Variants in SI observed in about 807,000 individuals in gnomAD.
SI encodes the protein sucrase-isomaltase, intestinal.
SI carries 235 observed loss-of-function variants against 253.3 expected under a neutral mutation model. That is an observed-to-expected ratio of 0.93 (90% CI 0.83 to 1.03). SI has a LOEUF of 1.03. Ranked by LOEUF, SI falls within the 50% of genes least tolerant of loss-of-function variation. The probability of loss-of-function intolerance (pLI) is 0.00; values close to 1 mark genes in which losing one functional copy is unlikely to be tolerated. For missense variants in SI, 2,442 were observed against 2,211.1 expected (o/e 1.10, Z -2.09); for synonymous variants, 819 against 712.0 (o/e 1.15, Z -2.39).
chr3:164,986,076 C>G (rs535279844), intron 45 of SI, among the ~76,000 whole-genome samples: 1 of 152,182 alleles, frequency 6.6e-6, no homozygotes, highest in Non-Finnish European at 1.5e-5. Flanking sequence ...TATAAAAACA[C>G]AGAAATCAAA....
chr3:165,062,420 T>TA lies in SI; in HGVS notation c.970dup (p.Tyr324LeufsTer40). The stretch of plus-strand genomic sequence containing the variant: ...TTCTGGTGTATCTCCTAGAAGGATG[T>TA]AAAAATCCAGAATGCCACCGGTAAC... On this transcript the variant is annotated frameshift_variant, in exon 9 of 48. Coordinates refer to ENST00000264382, the MANE Select transcript of SI (RefSeq NM_001041.4). LOFTEE classifies it high-confidence loss of function. 6.2e-7 allele frequency: 1 copy of TA among 1,605,606 alleles called. No homozygotes were observed. Among genetic ancestry groups the TA allele is most frequent in the Non-Finnish European group, 8.5e-7 (1 of 1,172,806 alleles).
chr3:165,050,813 C>A lies in SI; in HGVS notation c.1513-938G>T, dbSNP rs990058769. Reference sequence around the variant, plus strand: ...AATTACATTTCCTTTTCCCCATCCACATCATGCCCATATTTTAAGACTCAC... The same window carrying A: ...AATTACATTTCCTTTTCCCCATCCAAATCATGCCCATATTTTAAGACTCAC... On this transcript the variant is annotated intron_variant, in intron 13 of 47. Transcript: ENST00000264382. Among the ~76,000 whole-genome samples the A allele has an allele frequency of 4.6e-5, 7 of 152,118 alleles. No homozygotes were observed. In the East Asian group the frequency reaches 1.4e-3, roughly 30 times the overall value.
At position 165,009,330 on chromosome 3, in the gene SI, T is replaced by C. The variant is rs758461026; in HGVS notation, c.4128A>G (p.Arg1376=). 6.2e-7 allele frequency: 1 copy of C among 1,613,702 alleles called. No homozygotes were observed. Among genetic ancestry groups the C allele is most frequent in the Non-Finnish European group, 8.5e-7 (1 of 1,179,714 alleles). Residue 1376 remains arginine (R), a synonymous_variant, in exon 35 of 48, where the codon AGA becomes AGG. Transcript: ENST00000264382. The part of the protein sequence containing the change: ...FRTSTAEWWA[R]EIVDFYNEKM... ...TTTCATTGTAAAAGTCCACAATTTCTCTGGCCCACCACTCTGCTGTGGAAG... is the reference window on the plus strand; with the variant it reads ...TTTCATTGTAAAAGTCCACAATTTCCCTGGCCCACCACTCTGCTGTGGAAG...
At chr3:165,062,504 A>G in intron 8 of SI, 21 bp from the exon 9 acceptor site, 1 of 1,209,060 alleles carries the variant, frequency 8.3e-7, no homozygotes, top group Non-Finnish European at 1.2e-6. Context: ...AAATTGGTAA[A>G]CTTATATGTA....
chr3:165,065,305 A>G lies in SI; in HGVS notation c.763T>C (p.Trp255Arg). 1.9e-6 allele frequency: 3 copies of G among 1,608,574 alleles called. No homozygotes were observed. The highest frequency in any genetic ancestry group is 1.3e-5 in the African/African-American group (1 of 74,750). ...VHKRFRHDLSWKTWPIFTRDQ... is the reference protein window; with the variant it reads ...VHKRFRHDLSRKTWPIFTRDQ... ...CGAGTAAAAATTGGCCATGTTTTCC[A>G]GGATAAATCATGACGAAATCTCTTA... is the stretch of plus-strand genomic sequence containing the variant. Residue 255 changes from tryptophan (W) to arginine (R), a missense_variant, in exon 7 of 48, where the codon TGG becomes CGG. Coordinates refer to ENST00000264382, the MANE Select transcript of SI (RefSeq NM_001041.4).
At chr3:165,063,931 G>T (rs1452428322) in intron 7 of SI, among the ~76,000 whole-genome samples, 2 of 151,074 alleles carry the variant, frequency 1.3e-5, no homozygotes, top group Admixed American at 6.6e-5. Flanking sequence ...TTAGCTGGGG[G>T]TGGTGACACG....
intron 37 of SI, among the ~76,000 whole-genome samples, chr3:165,003,287 AT>A: frequency 6.6e-6 from 1 of 151,796 alleles, no homozygotes; most frequent in Non-Finnish European, 1.5e-5. Context: ...AAAGCACATA[AT>A]TTTTGTCAAT....
rs570814555 is a variant in SI, at chr3:164,998,385, C to T, written c.4540+155G>A. Among the ~76,000 whole-genome samples, 5 of 151,912 alleles carry T rather than the reference C, an allele frequency of 3.3e-5. No homozygotes were observed. The East Asian group carries it at 9.7e-4, about 29-fold the overall frequency. On this transcript the variant is annotated intron_variant, in intron 38 of 47. Coordinates refer to ENST00000264382, the MANE Select transcript of SI (RefSeq NM_001041.4). ...CTACACAGCACCCTCAATCCAGCTT[C>T]CTGGCCCACTGTCTTTTTCTGATGC... is the stretch of plus-strand genomic sequence containing the variant.
intron 34 of SI, among the ~76,000 whole-genome samples, chr3:165,010,785 A>T (rs1718731256): frequency 1.3e-5 from 2 of 152,222 alleles, no homozygotes; most frequent in Admixed American, 1.3e-4. Context: ...TTTGTGGAAG[A>T]GAATCCCAGG....
chr3:165,007,933 T>A lies in SI; in HGVS notation c.4245A>T (p.Leu1415=), dbSNP rs1461952844. The part of the protein sequence containing the change: ...TTTNQCRNDE[L]NYPPYFPELT... ...TACCTGGGAAATAAGGTGGATAATTTAGTTCGTCATTTCTGCATTGATTAG... is the reference window on the plus strand; with the variant it reads ...TACCTGGGAAATAAGGTGGATAATTAAGTTCGTCATTTCTGCATTGATTAG... Residue 1415 remains leucine (L), a synonymous_variant, in exon 36 of 48, where the codon CTA becomes CTT. Coordinates refer to ENST00000264382, the MANE Select transcript of SI (RefSeq NM_001041.4). 6.3e-7 allele frequency: 1 copy of A among 1,593,298 alleles called. No individual in the cohort carries two copies. Among genetic ancestry groups the A allele is most frequent in the Admixed American group, 1.7e-5 (1 of 59,790 alleles).
chr3:165,019,509 C>T, intron 28 of SI, 93 bp downstream of exon 28: 3 of 1,191,824 alleles, frequency 2.5e-6, no homozygotes, highest in South Asian at 1.2e-5. Context: ...TTTGTCATTA[C>T]TTCAATCCTA....
chr3:165,023,528 A>T (rs1711739284), intron 26 of SI, 42 bp downstream of exon 26: 1 of 1,304,542 alleles, frequency 7.7e-7, no homozygotes, highest in Non-Finnish European at 1.1e-6. Flanking sequence ...ATCTCATCTC[A>T]CAAGATGAGT....
In SI at chr3:165,065,513, G is replaced by C. The variant is rs573659184; in HGVS notation, c.636-81C>G. The stretch of plus-strand genomic sequence containing the variant: ...TATATATGATATTCTACCAGATACA[G>C]GTTTATGTTAACATCATCCAGAAGA... On this transcript the variant is annotated intron_variant, in intron 6 of 47. Coordinates refer to ENST00000264382, the MANE Select transcript of SI (RefSeq NM_001041.4). 13 of 195,174 alleles carry C rather than the reference G, an allele frequency of 6.7e-5. 1 individual carries two copies. The highest frequency in any genetic ancestry group is 2.1e-4 in the African/African-American group (6 of 28,188). 12.1% of individuals were successfully genotyped at this position (195,174 alleles called of 1,614,324 possible). A position where few individuals can be genotyped will look rare whatever the true frequency, so the allele number is the denominator to read the frequency against.
chr3:165,081,442 G>A (rs1425143819), upstream of SI, among the ~76,000 whole-genome samples: 2 of 151,884 alleles, frequency 1.3e-5, no homozygotes, highest in Non-Finnish European at 2.9e-5. Context: ...TCTCTGAAAT[G>A]TGCATGTCAG....
At chr3:165,019,437 A>G (rs183834193) in intron 28 of SI, among the ~76,000 whole-genome samples, 165 bp downstream of exon 28, 6 of 152,016 alleles carry the variant, frequency 3.9e-5, no homozygotes, top group African/African-American at 9.6e-5. Context: ...ATTTATGGTG[A>G]CTTTTTGGGT....
the SI span, among the ~76,000 whole-genome samples, chr3:165,086,845 CATG>C: frequency 6.6e-6 from 1 of 152,138 alleles, no homozygotes; most frequent in Non-Finnish European, 1.5e-5. Context: ...TGTGGGCAAT[CATG>C]AGAGTGTGGA....
chr3:164,992,469 C>G lies in SI; in HGVS notation c.4842-72G>C, dbSNP rs928150043. 40 of 1,041,740 alleles carry G rather than the reference C, an allele frequency of 3.8e-5. No individual in the cohort carries two copies. The African/African-American group carries it at 5.9e-4, about 15-fold the overall frequency. 64.5% of individuals were successfully genotyped at this position (1,041,740 alleles called of 1,614,324 possible). ...TTCTGAATACCATAAAATCATTATTCAAATTACATTTTGTAGTATGGACTT... is the reference window on the plus strand; with the variant it reads ...TTCTGAATACCATAAAATCATTATTGAAATTACATTTTGTAGTATGGACTT... On this transcript the variant is annotated intron_variant, in intron 41 of 47. Transcript: ENST00000264382.
chr3:165,074,486 T>G, intron 3 of SI, 45 bp downstream of exon 3: 1 of 1,223,018 alleles, frequency 8.2e-7, no homozygotes. Context: ...CTTAATATAA[T>G]AATGTATATA....
intron 26 of SI, among the ~76,000 whole-genome samples, 188 bp downstream of exon 26, chr3:165,023,382 G>C (rs1711729027): frequency 6.6e-6 from 1 of 151,366 alleles, no homozygotes; most frequent in Admixed American, 6.6e-5. Context: ...AAAGTTAGCA[G>C]GAATGAGCAG....
Sources: gnomAD v4.1 joint callset for allele counts (sites outside exome capture counted in the v4.1 genomes callset) on GRCh38, gnomAD v4.1.1 for gene constraint, MANE v1.5 for transcripts, NCBI Gene and HGNC (gene_info 2026-07-23, HGNC 2026-07-21) for gene names.